TECPR1: variants seen among roughly 807,000 people sequenced by gnomAD.
TECPR1 encodes the protein tectonin beta-propeller repeat containing 1, also known as tectonin beta-propeller repeat-containing protein 1.
Under a neutral mutation model 162.4 loss-of-function variants are expected in TECPR1, and 122 were observed. The ratio of observed to expected loss-of-function variants is 0.75; its 90% CI spans 0.65 to 0.87. The LOEUF is 0.87. Ranked by LOEUF, TECPR1 falls within the 40% of genes least tolerant of loss-of-function variation. The probability of loss-of-function intolerance (pLI) is 0.00; values close to 1 mark genes in which losing one functional copy is unlikely to be tolerated. For synonymous variants in TECPR1, 642 were observed against 670.6 expected, an observed-to-expected ratio of 0.96 and a Z score of 0.66; for missense variants, 1,432 against 1,618.2, an observed-to-expected ratio of 0.88 and a Z score of 1.97.
intron 20 of TECPR1, 125 bp from the exon 21 acceptor site, chr7:98,223,295 G>C: frequency 1.0e-6 from 1 of 984,262 alleles, no homozygotes; most frequent in Non-Finnish European, 1.5e-6. Context: ...GAGGGGCCCA[G>C]AGGTGGCCTC....
At chr7:98,246,270 C>CA in intron 2 of TECPR1, 105 bp from the exon 3 acceptor site, 4 of 564,526 alleles carry the variant, frequency 7.1e-6, no homozygotes, top group Non-Finnish European at 1.2e-5. Flanking sequence ...TTCTTTTTCT[C>CA]TTTTTTTTTT....
chr7:98,231,004 G>C lies in TECPR1; in HGVS notation c.2239C>G (p.Pro747Ala), dbSNP rs926776223. The C allele has an allele frequency of 9.9e-6, 16 of 1,612,736 alleles. No individual in the cohort carries two copies. Among genetic ancestry groups the C allele is most frequent in the Non-Finnish European group, 1.4e-5 (16 of 1,179,630 alleles). ...KGDIFVSEPS[P>A]DLEAHEHPLP... is the part of the protein sequence containing the mutation. ...GGGTGCTCGTGGGCCTCCAGGTCTG[G>C]GCTGGGCTCGCTCACGAAGATGTCC... Residue 747 changes from proline (P) to alanine (A), a missense_variant, in exon 15 of 26, where the codon CCA becomes GCA. Pro to Ala is a conservative substitution (Grantham distance 27). Coordinates refer to ENST00000447648, the MANE Select transcript of TECPR1 (RefSeq NM_015395.3).
chr7:98,233,577 A>C lies in TECPR1; in HGVS notation c.1516T>G (p.Phe506Val), dbSNP rs781566839. The change falls in exon 11 of 26, where the codon TTC becomes GTC. Residue 506 changes from phenylalanine (F) to valine (V), a missense_variant. Coordinates refer to ENST00000447648, the MANE Select transcript of TECPR1 (RefSeq NM_015395.3). ...KKVPSHSAAG[F>V]PETTSLSSLG... ...GAGGAGAGGCTGGTGGTCTCGGGGA[A>C]GCCAGCGGCCGAGTGGCTGGGCACT... 6 of 1,596,038 alleles carry C rather than the reference A, an allele frequency of 3.8e-6. No individual in the cohort carries two copies. The South Asian group carries it at 6.7e-5, about 18-fold the overall frequency.
chr7:98,222,741 C>T, intron 21 of TECPR1: 3 of 786,450 alleles, frequency 3.8e-6, no homozygotes, highest in South Asian at 3.4e-5. Flanking sequence ...TGGGCGTGTG[C>T]ACCTCACCGG....
chr7:98,240,944 G>C lies in TECPR1; in HGVS notation c.840C>G (p.Ser280=). The C allele has an allele frequency of 1.9e-6, 3 of 1,606,564 alleles. No homozygotes were observed. Among genetic ancestry groups the C allele is most frequent in the Non-Finnish European group, 2.5e-6 (3 of 1,177,706 alleles). Residue 280 remains serine, a synonymous_variant, in exon 8 of 26, where the codon TCC becomes TCG. Transcript: ENST00000447648. ...ATCCAGGAGGCTCCACGATGGACCA[G>C]GAACTTCCTACCGGGCCCCCAAGAA... ...GINRSNPKGS[S]WSIVEPPGSE...
intron 8 of TECPR1, among the ~76,000 whole-genome samples, chr7:98,239,119 G>C (rs1460888155): frequency 6.6e-6 from 1 of 152,230 alleles, no homozygotes; most frequent in Non-Finnish European, 1.5e-5. Flanking sequence ...CAGACTGTCT[G>C]TGGCTCTGTG....
Position 98,222,967 on chromosome 7 carries a change from ATCTG to A in TECPR1, c.2928+19_2928+22del. On this transcript the variant is annotated intron_variant, in intron 21 of 25. Coordinates refer to ENST00000447648, the MANE Select transcript of TECPR1 (RefSeq NM_015395.3). ...GAGCAAAGGTCTCATTTCAAGAAGAATCTGTCTGGCCCCGGCACTCACCGCAGGG... is the reference window on the plus strand; with the variant it reads ...GAGCAAAGGTCTCATTTCAAGAAGAATCTGGCCCCGGCACTCACCGCAGGG... The A allele has an allele frequency of 2.5e-6, 4 of 1,609,296 alleles. No homozygotes were observed. The highest frequency in any genetic ancestry group is 3.4e-6 in the Non-Finnish European group (4 of 1,178,494).
chr7:98,248,067 G>T (rs1034706548), intron 2 of TECPR1, among the ~76,000 whole-genome samples: 1 of 152,162 alleles, frequency 6.6e-6, no homozygotes, highest in African/African-American at 2.4e-5. Context: ...CATAGCCAAG[G>T]CTATTGCTAA....
At position 98,223,729 on chromosome 7, in the gene TECPR1, G is replaced by A. The variant is rs902505200; in HGVS notation, c.2691-11C>T. ...GACCCATGGTATGAGCTGCAAGGAG[G>A]AAGAAGATGAAATCAGGGCCACTTC... On this transcript the variant is annotated splice_polypyrimidine_tract_variant and intron_variant, in intron 19 of 25. Coordinates refer to ENST00000447648, the MANE Select transcript of TECPR1 (RefSeq NM_015395.3). 1.2e-6 allele frequency: 2 copies of A among 1,613,654 alleles called. No homozygotes were observed. The highest frequency in any genetic ancestry group is 1.1e-5 in the South Asian group (1 of 91,078).
chr7:98,243,739 C>G, intron 5 of TECPR1, 147 bp from the exon 6 acceptor site: 1 of 1,119,902 alleles, frequency 8.9e-7, no homozygotes, highest in Non-Finnish European at 1.2e-6. Flanking sequence ...AGCATCAGGA[C>G]TGTGGGGGCC....
At chr7:98,226,413 T>C (rs191301522) in intron 17 of TECPR1, 460 of 984,270 alleles carry the variant, frequency 4.7e-4, no homozygotes, top group Admixed American at 1.5e-3. Flanking sequence ...CAAGGCTGAG[T>C]AAAGTCAGAT....
At chr7:98,239,936 C>T (rs1798703027) in intron 8 of TECPR1, among the ~76,000 whole-genome samples, 1 of 152,000 alleles carries the variant, frequency 6.6e-6, no homozygotes, top group Non-Finnish European at 1.5e-5. Context: ...CGGTGATACC[C>T]CATCTCTACT....
In TECPR1 at chr7:98,232,347, CAT is replaced by C. The variant is rs879675391; in HGVS notation, c.1819-390_1819-389del. Among the ~76,000 whole-genome samples the C allele has an allele frequency of 7.2e-4, 109 of 152,214 alleles. No homozygotes were observed. Among genetic ancestry groups the C allele is most frequent in the Admixed American group, 5.6e-3 (86 of 15,294 alleles). On this transcript the variant is annotated intron_variant, in intron 12 of 25. Coordinates refer to ENST00000447648, the MANE Select transcript of TECPR1 (RefSeq NM_015395.3). The surrounding 1 kb of genome is among the most constrained non-coding windows in gnomAD (Gnocchi z 4.6). ...GGGGCCTTTGGAATGAGGCAGGTCA[CAT>C]GCTCTGTGTGACTTCCCTGTCACCC...
At chr7:98,243,434 G>C in intron 6 of TECPR1, 33 bp downstream of exon 6, 1 of 1,610,204 alleles carries the variant, frequency 6.2e-7, no homozygotes, top group Non-Finnish European at 8.5e-7. Context: ...TGGGATCGTG[G>C]GGAGCCAGGG....
At chr7:98,227,486 A>C (rs1233523232) in intron 17 of TECPR1, among the ~76,000 whole-genome samples, 2 of 152,092 alleles carry the variant, frequency 1.3e-5, no homozygotes, top group Non-Finnish European at 2.9e-5. Flanking sequence ...TTAAGAAGGA[A>C]TTACATACAT....
At position 98,224,849 on chromosome 7, in the gene TECPR1, G is replaced by A. The variant is rs778783372; in HGVS notation, c.2642C>T (p.Pro881Leu). ...VSDWFVDFSV[P>L]GGTDQEGWQY... Reference sequence around the variant, plus strand: ...CCACCCCTCCTGGTCCGTGCCCCCCGGAACGCTGAAATCCACGAACCAGTC... The same window carrying A: ...CCACCCCTCCTGGTCCGTGCCCCCCAGAACGCTGAAATCCACGAACCAGTC... Residue 881 changes from proline to leucine, a missense_variant, in exon 19 of 26, where the codon CCG (proline) becomes CTG (leucine). By Grantham distance (98) the Pro-to-Leu change is moderately conservative. Transcript: ENST00000447648. 5.7e-6 allele frequency: 9 copies of A among 1,574,938 alleles called. No individual in the cohort carries two copies. The highest frequency in any genetic ancestry group is 4.7e-5 in the East Asian group (2 of 42,630).
At position 98,241,059 on chromosome 7, in the gene TECPR1, G is replaced by A. The variant is rs1262606925; in HGVS notation, c.832+11C>T. Reference sequence around the variant, plus strand: ...TACAGGGTATGTGGGTGGGGGAGCCGGGCTGCCCACCTTTGGGATTGCTCC... The same window carrying A: ...TACAGGGTATGTGGGTGGGGGAGCCAGGCTGCCCACCTTTGGGATTGCTCC... On this transcript the variant is annotated intron_variant, in intron 7 of 25. Coordinates refer to ENST00000447648, the MANE Select transcript of TECPR1 (RefSeq NM_015395.3). This position sits in a 1 kb window ranked among gnomAD's most constrained non-coding sequence, Gnocchi z 5.0. 8.8e-6 allele frequency: 14 copies of A among 1,598,028 alleles called. No individual in the cohort carries two copies. The Admixed American group carries it at 1.0e-4, about 12-fold the overall frequency.
intron 6 of TECPR1, among the ~76,000 whole-genome samples, chr7:98,242,532 A>G (rs1291317084): frequency 3.4e-5 from 5 of 145,878 alleles, no homozygotes; most frequent in Admixed American, 3.4e-4. Flanking sequence ...CCACTCACCC[A>G]CCCACCTACA....
intron 9 of TECPR1, 101 bp from the exon 10 acceptor site, chr7:98,237,022 G>C: frequency 7.7e-7 from 1 of 1,304,886 alleles, no homozygotes; most frequent in Non-Finnish European, 1.0e-6. Context: ...TCCATGTGCA[G>C]GTGTGTGTGG....
Sources: allele counts gnomAD v4.1 joint callset (sites outside exome capture counted in the v4.1 genomes callset), GRCh38; gene constraint gnomAD v4.1.1; non-coding constraint Gnocchi (gnomAD v3.1); transcripts MANE v1.5; gene names NCBI Gene and HGNC (gene_info 2026-07-23, HGNC 2026-07-21).